The following FIG4 variants were observed in gnomAD, a reference collection of about 807,000 sequenced individuals.
The protein encoded by FIG4 is FIG4 phosphoinositide 5-phosphatase.
FIG4 carries 112 observed loss-of-function variants against 118.6 expected under a neutral mutation model. The observed-to-expected ratio is 0.94, with a 90% CI of 0.81 to 1.11. The LOEUF is 1.11. Among genes scored for constraint, FIG4 ranks in the 50% least tolerant of loss-of-function variants. The pLI is 0.00. For missense variants in FIG4, 969 were observed against 1,111.7 expected (o/e 0.87, Z 1.83); for synonymous variants, 369 against 381.2 (o/e 0.97, Z 0.37).
Position 109,738,388 on chromosome 6 carries a change from T to C in FIG4, c.710T>C (p.Ile237Thr). Residue 237 changes from isoleucine (I) to threonine (T), a missense_variant, in exon 7 of 23, where the codon ATA becomes ACA. By Grantham distance (89) the Ile-to-Thr change is moderately conservative (BLOSUM62 -1). Transcript: ENST00000230124. ...GTATGGAATGGTGAACTTCTGGATA[T>C]AATTAAAAGTACTGTGCATCGTGAC... ...KYVWNGELLDIIKSTVHRDWL... is the reference protein window; with the variant it reads ...KYVWNGELLDTIKSTVHRDWL... The C allele has an allele frequency of 6.2e-7, 1 of 1,611,346 alleles. No individual in the cohort carries two copies. The highest frequency in any genetic ancestry group is 1.7e-5 in the Admixed American group (1 of 59,936).
chr6:109,775,181 T>C (rs1777583255), intron 15 of FIG4, among the ~76,000 whole-genome samples: 1 of 152,168 alleles, frequency 6.6e-6, no homozygotes, highest in Non-Finnish European at 1.5e-5. Flanking sequence ...TAAACCCTTG[T>C]TCATATCCAG....
chr6:109,814,920 G>A (rs768655036), intron 22 of FIG4, among the ~76,000 whole-genome samples: 12 of 151,982 alleles, frequency 7.9e-5, no homozygotes, highest in Middle Eastern at 6.8e-3. Context: ...ACTGCCCCCA[G>A]GCCCACTCAA....
chr6:109,819,456 G>A (rs1458449853), intron 22 of FIG4, among the ~76,000 whole-genome samples: 1 of 152,094 alleles, frequency 6.6e-6, no homozygotes, highest in African/African-American at 2.4e-5. Flanking sequence ...TAGGAATTAT[G>A]TATCTGTAAT....
At chr6:109,774,275 C>A (rs1176629897) in intron 15 of FIG4, among the ~76,000 whole-genome samples, 2 of 152,120 alleles carry the variant, frequency 1.3e-5, no homozygotes, top group African/African-American at 4.8e-5. Context: ...TGCTTTTGCT[C>A]TTTTAGATAA....
At chr6:109,700,856 G>A (rs1281612998) in intron 1 of FIG4, among the ~76,000 whole-genome samples, 1 of 152,144 alleles carries the variant, frequency 6.6e-6, no homozygotes. Context: ...TGTTTAGATT[G>A]GGTCCCATCC....
In FIG4 at chr6:109,720,820, G is replaced by A. The variant is rs141661179; in HGVS notation, c.289+4252G>A. Among the ~76,000 whole-genome samples the A allele has an allele frequency of 1.8e-4, 27 of 152,238 alleles. No homozygotes were observed. The East Asian group carries it at 3.1e-3, about 17-fold the overall frequency. The stretch of plus-strand genomic sequence containing the variant: ...CTAGAGGGTTTTCCTTGCTATAAAC[G>A]GATTGATCCAGTCCTGTAGCTGCCT... On this transcript the variant is annotated intron_variant, in intron 3 of 22. Coordinates refer to ENST00000230124, the MANE Select transcript of FIG4 (RefSeq NM_014845.6).
chr6:109,707,421 A>G (rs1224741034), intron 1 of FIG4, among the ~76,000 whole-genome samples: 1 of 147,788 alleles, frequency 6.8e-6, no homozygotes, highest in African/African-American at 2.5e-5. Flanking sequence ...ATATACCTAT[A>G]CATATATACA....
chr6:109,740,333 G>C (rs780515398), intron 7 of FIG4, among the ~76,000 whole-genome samples: 1 of 152,128 alleles, frequency 6.6e-6, no homozygotes, highest in Non-Finnish European at 1.5e-5. Context: ...AATGAATCTA[G>C]TTTCCTGGTT....
intron 22 of FIG4, among the ~76,000 whole-genome samples, chr6:109,813,004 G>A (rs564978280): frequency 1.3e-5 from 2 of 152,230 alleles, no homozygotes; most frequent in South Asian, 2.1e-4. Flanking sequence ...TTAGTTTGTT[G>A]TAATTTTCTC....
intron 22 of FIG4, among the ~76,000 whole-genome samples, chr6:109,801,007 A>G (rs2128399110): frequency 6.6e-6 from 1 of 152,292 alleles, no homozygotes; most frequent in African/African-American, 2.4e-5. Context: ...GTGCAAGACC[A>G]ACACGTTCTC....
rs566560043 is a variant in FIG4, at chr6:109,759,380, A to T, written c.1138-870A>T. On this transcript the variant is annotated intron_variant, in intron 10 of 22. Transcript: ENST00000230124. The stretch of plus-strand genomic sequence containing the variant: ...GTGTATACCTATGTAACAAACTTGC[A>T]CGTTCTGCACATGTATCCCATAACT... Among the ~76,000 whole-genome samples the T allele has an allele frequency of 2.6e-5, 4 of 152,296 alleles. No individual in the cohort carries two copies. In the South Asian group the frequency reaches 8.3e-4, roughly 32 times the overall value.
Position 109,760,497 on chromosome 6 carries a change from A to T in FIG4, c.1271+114A>T, listed in dbSNP as rs1353892216. 11 of 1,018,354 alleles carry T rather than the reference A, an allele frequency of 1.1e-5. No homozygotes were observed. In the East Asian group the frequency reaches 2.4e-4, roughly 22 times the overall value. The allele number at this position is 1,018,354 out of a possible 1,614,324, so 63.1% of individuals were successfully genotyped here. ...GTTACCCTGTTAATTTCCTTCATGA[A>T]CCTGTTGAGGGGCTGTTTTGAGTGC... is the stretch of plus-strand genomic sequence containing the variant. On this transcript the variant is annotated intron_variant, in intron 11 of 22. Coordinates refer to ENST00000230124, the MANE Select transcript of FIG4 (RefSeq NM_014845.6).
chr6:109,760,221 A>G, intron 10 of FIG4, 29 bp from the exon 11 acceptor site: 1 of 1,596,568 alleles, frequency 6.3e-7, no homozygotes, highest in Non-Finnish European at 8.6e-7. Flanking sequence ...GGAAATTAGA[A>G]CACTGAAAAT....
At chr6:109,820,584 G>T (rs1778977514) in intron 22 of FIG4, among the ~76,000 whole-genome samples, 1 of 152,128 alleles carries the variant, frequency 6.6e-6, no homozygotes, top group Non-Finnish European at 1.5e-5. Context: ...CCGATCTCCA[G>T]AACAAGGAAA....
intron 10 of FIG4, among the ~76,000 whole-genome samples, chr6:109,752,369 G>A (rs1279606692): frequency 6.6e-6 from 1 of 151,350 alleles, no homozygotes; most frequent in Admixed American, 6.6e-5. Context: ...TGGGATGGCT[G>A]GGTCAAATGG....
chr6:109,694,891 A>G (rs2128377031), intron 1 of FIG4, among the ~76,000 whole-genome samples: 1 of 152,336 alleles, frequency 6.6e-6, no homozygotes, highest in Non-Finnish European at 1.5e-5. Context: ...GTGAGATATC[A>G]TGTCACCTCA....
intron 1 of FIG4, among the ~76,000 whole-genome samples, chr6:109,696,642 A>G (rs1293383307): frequency 2.0e-5 from 3 of 152,256 alleles, no homozygotes; most frequent in African/African-American, 7.2e-5. Flanking sequence ...AGGCAGGCAC[A>G]GAAAGATAAA....
intron 16 of FIG4, among the ~76,000 whole-genome samples, chr6:109,783,631 C>G (rs1042939191): frequency 1.3e-5 from 2 of 152,220 alleles, no homozygotes; most frequent in Non-Finnish European, 2.9e-5. Flanking sequence ...TGTGGAATAA[C>G]TGAATGAATT....
rs201072058 is a variant in FIG4, at chr6:109,762,167, C to A, written c.1348C>A (p.Arg450Ser). The part of the protein sequence containing the change: ...VVKKTGFFVN[R>S]PDSYCSILRP... ...GAAGAAAACAGGTTTCTTTGTAAAC[C>A]GCCCTGATTCTTACTGTAGCATTTT... is the stretch of plus-strand genomic sequence containing the variant. The change falls in exon 12 of 23, where the codon CGC becomes AGC. Residue 450 changes from arginine (R) to serine (S), a missense_variant. Around this residue, in one of 3 missense-constraint regions of FIG4, gnomAD observed 246 missense variants for 354.3 expected, o/e 0.69. Transcript: ENST00000230124. The A allele has an allele frequency of 4.3e-6, 7 of 1,612,558 alleles. No individual in the cohort carries two copies. The highest frequency in any genetic ancestry group is 5.9e-6 in the Non-Finnish European group (7 of 1,178,724).
Sources: gnomAD v4.1 joint callset for allele counts (sites outside exome capture counted in the v4.1 genomes callset) on GRCh38, gnomAD v4.1.1 for gene constraint, gnomAD v4.1.1 regional missense constraint, MANE v1.5 for transcripts, NCBI Gene and HGNC (gene_info 2026-07-23, HGNC 2026-07-21) for gene names.